CCHCR1: variants seen among roughly 807,000 people sequenced by gnomAD.
CCHCR1 encodes the protein HCR (a-helix coiled-coil rod homologue).
CCHCR1 carries 91 observed loss-of-function variants against 114.6 expected under a neutral mutation model. The ratio of observed to expected loss-of-function variants is 0.79; its 90% confidence interval spans 0.67 to 0.94. The LOEUF (loss-of-function observed/expected upper bound fraction) is 0.94. Among genes scored for constraint, CCHCR1 ranks in the 40% least tolerant of loss-of-function variants. The pLI is 0.00. For missense variants in CCHCR1, 899 were observed against 1,079.9 expected (o/e 0.83, Z 2.35); for synonymous variants, 379 against 428.5 (o/e 0.88, Z 1.43).
In CCHCR1 at chr6:31,144,362, T is replaced by C. The variant is rs1399477031; in HGVS notation, c.2167+325A>G. Among the ~76,000 whole-genome samples, 1 of 152,034 alleles carries C rather than the reference T, an allele frequency of 6.6e-6. No individual in the cohort carries two copies. The highest frequency in any genetic ancestry group is 2.4e-5 in the African/African-American group (1 of 41,388). ...GGTGCCCACCACCAGGCCTAGCTAA[T>C]TTTTGTATTTTTAGTCGAGACAGGG... On this transcript the variant is annotated intron_variant, in intron 15 of 17. Transcript: ENST00000396268. This position sits in a 1 kb window ranked among gnomAD's most constrained non-coding sequence, Gnocchi z 4.6.
chr6:31,154,893 C>A lies in CCHCR1; in HGVS notation c.498-94G>T, dbSNP rs1015307558. On this transcript the variant is annotated intron_variant, in intron 3 of 17. Coordinates refer to ENST00000396268, the MANE Select transcript of CCHCR1 (RefSeq NM_001105564.2). The surrounding 1 kb of genome is among the most constrained non-coding windows in gnomAD (Gnocchi z 4.1). ...TAGCCAGGAGAAGGAAAAGAGGACC[C>A]CTCTGCTTCCGTGTGGGGAGGTGAA... The A allele has an allele frequency of 8.2e-7, 1 of 1,212,950 alleles. No homozygotes were observed. Among genetic ancestry groups the A allele is most frequent in the African/African-American group, 1.5e-5 (1 of 65,564 alleles). 75.1% of individuals were successfully genotyped at this position (1,212,950 alleles called of 1,614,324 possible).
At chr6:31,156,538 T>G (rs1222859221) in intron 3 of CCHCR1, 193 bp downstream of exon 3, 1 of 561,052 alleles carries the variant, frequency 1.8e-6, no homozygotes, top group African/African-American at 2.0e-5. Context: ...AGGATTTGTC[T>G]TATTCACTAT....
chr6:31,156,028 C>T (rs1050362508), intron 3 of CCHCR1, among the ~76,000 whole-genome samples: 1 of 152,192 alleles, frequency 6.6e-6, no homozygotes, highest in Non-Finnish European at 1.5e-5. Context: ...CCTCCTGCCT[C>T]AGCTCCCAAA....
At position 31,157,480 on chromosome 6, in the gene CCHCR1, C is replaced by G; in HGVS notation, c.121G>C (p.Glu41Gln). The G allele has an allele frequency of 6.2e-7, 1 of 1,612,950 alleles. No homozygotes were observed. Among genetic ancestry groups the G allele is most frequent in the East Asian group, 2.2e-5 (1 of 44,876 alleles). ...GGTCTTGAGCGCCATCTCCAGAGTT[C>G]TCTCCATGGCTCAGCAAGGCCTGAG... ...LPSGLAEPWR[E>Q]LWRWRSRPLH... The change falls in exon 1 of 18, where the codon GAA (glutamate) becomes CAA (glutamine). Residue 41 changes from glutamate to glutamine, a missense_variant. Physicochemically the swap from Glu to Gln is conservative, Grantham distance 29. Coordinates refer to ENST00000396268, the MANE Select transcript of CCHCR1 (RefSeq NM_001105564.2).
chr6:31,156,689 C>T (rs762618140), intron 3 of CCHCR1, 42 bp downstream of exon 3: 25 of 1,549,386 alleles, frequency 1.6e-5, no homozygotes, highest in Non-Finnish European at 2.1e-5. Flanking sequence ...GGAAGGGTCA[C>T]TAGCAAGCAA....
intron 4 of CCHCR1, among the ~76,000 whole-genome samples, chr6:31,153,472 C>A (rs1237495915): frequency 6.6e-6 from 1 of 151,646 alleles, no homozygotes; most frequent in Non-Finnish European, 1.5e-5. Flanking sequence ...GTCAATGGAT[C>A]AATTTTTTCC....
At position 31,151,128 on chromosome 6, in the gene CCHCR1, G is replaced by A. The variant is rs1561814518; in HGVS notation, c.802-6C>T. The A allele has an allele frequency of 1.9e-6, 3 of 1,610,830 alleles. No individual in the cohort carries two copies. Among genetic ancestry groups the A allele is most frequent in the Non-Finnish European group, 2.5e-6 (3 of 1,179,038 alleles). On this transcript the variant is annotated splice_polypyrimidine_tract_variant and splice_region_variant and intron_variant, in intron 4 of 17. Coordinates refer to ENST00000396268, the MANE Select transcript of CCHCR1 (RefSeq NM_001105564.2). This position sits in a 1 kb window ranked among gnomAD's most constrained non-coding sequence, Gnocchi z 4.1. ...GCCTGTGTCAAAGAGGACAGCTGCG[G>A]AAAGAAGAGGGGGCTCAGCAGAGGC...
At chr6:31,153,287 C>T (rs898391956) in intron 4 of CCHCR1, among the ~76,000 whole-genome samples, 19 of 152,090 alleles carry the variant, frequency 1.2e-4, no homozygotes, top group Non-Finnish European at 1.9e-4. Context: ...CTTCTTGTTT[C>T]TAAGTTTCTT....
Position 31,150,063 on chromosome 6 carries a change from G to C in CCHCR1, c.1362+3C>G. 1 of 1,614,116 alleles carries C rather than the reference G, an allele frequency of 6.2e-7. No homozygotes were observed. Among genetic ancestry groups the C allele is most frequent in the Non-Finnish European group, 8.5e-7 (1 of 1,179,972 alleles). ...ATACCGGGAGAAAAGAGAGTGCAGT[G>C]ACCTGTCCCTTCAGCTGCTTAACAG... On this transcript the variant is annotated splice_donor_region_variant and intron_variant, in intron 8 of 17. Transcript: ENST00000396268. The surrounding 1 kb of genome is among the most constrained non-coding windows in gnomAD (Gnocchi z 5.3).
chr6:31,153,217 G>A (rs1397741801), intron 4 of CCHCR1, among the ~76,000 whole-genome samples: 1 of 149,880 alleles, frequency 6.7e-6, no homozygotes, highest in African/African-American at 2.5e-5. Flanking sequence ...CAAGTGATCC[G>A]CCCACCTCGG....
Position 31,143,382 on chromosome 6 carries a change from G to T in CCHCR1, c.2199C>A (p.Ala733=), listed in dbSNP as rs760608377. The change falls in exon 16 of 18, where the codon GCC becomes GCA. Residue 733 remains alanine, a synonymous_variant. Coordinates refer to ENST00000396268, the MANE Select transcript of CCHCR1 (RefSeq NM_001105564.2). This position sits in a 1 kb window ranked among gnomAD's most constrained non-coding sequence, Gnocchi z 5.3. The part of the protein sequence containing the change: ...VVSLRQIQRR[A]AQEKERSQEL... Reference sequence around the variant, plus strand: ...CCTGGCTCCGCTCCTTTTCCTGGGCGGCTCTGCGCTGAATCTGGCGTAAGG... The same window carrying T: ...CCTGGCTCCGCTCCTTTTCCTGGGCTGCTCTGCGCTGAATCTGGCGTAAGG... 3.7e-6 allele frequency: 6 copies of T among 1,612,946 alleles called. No homozygotes were observed. Among genetic ancestry groups the T allele is most frequent in the Non-Finnish European group, 5.1e-6 (6 of 1,180,014 alleles).
chr6:31,150,500 G>T lies in CCHCR1; in HGVS notation c.1167C>A (p.Ser389Arg), dbSNP rs1479904105. 1 of 1,612,560 alleles carries T rather than the reference G, an allele frequency of 6.2e-7. No individual in the cohort carries two copies. The highest frequency in any genetic ancestry group is 1.7e-5 in the Admixed American group (1 of 59,984). ...TAELLQVRVQ[S>R]LTHILALQEE... ...CCTGCAGGGCGAGGATGTGTGTGAG[G>T]CTCTGCACCCGCACCTGCAGCAGCT... The change falls in exon 7 of 18, where the codon AGC (serine) becomes AGA (arginine). Residue 389 changes from serine (S) to arginine (R), a missense_variant. Ser to Arg is a moderately radical substitution (Grantham distance 110, BLOSUM62 -1). Coordinates refer to ENST00000396268, the MANE Select transcript of CCHCR1 (RefSeq NM_001105564.2). This position sits in a 1 kb window ranked among gnomAD's most constrained non-coding sequence, Gnocchi z 5.3.
rs140284482 is a variant in CCHCR1 at position 31,144,972 on chromosome 6, C to G, written c.1978G>C (p.Val660Leu). The stretch of plus-strand genomic sequence containing the variant: ...CTCTCCTGCTGGCCCTGGCGTGCTA[C>G]CTCCAGCTGCAGCCCCAAGCTAGCC... Reference protein sequence around the residue: ...SLASLGLQLEVARQGQQESTE... With the variant: ...SLASLGLQLELARQGQQESTE... The change falls in exon 14 of 18, where the codon GTA becomes CTA. Residue 660 changes from valine to leucine, a missense_variant. By Grantham distance (32) the Val-to-Leu change is conservative. Transcript: ENST00000396268. This position sits in a 1 kb window ranked among gnomAD's most constrained non-coding sequence, Gnocchi z 4.6. 6.2e-7 allele frequency: 1 copy of G among 1,609,444 alleles called. No homozygotes were observed. Among genetic ancestry groups the G allele is most frequent in the Non-Finnish European group, 8.5e-7 (1 of 1,179,922 alleles).
intron 11 of CCHCR1, 42 bp from the exon 12 acceptor site, chr6:31,145,535 A>G (rs955750946): frequency 4.4e-6 from 7 of 1,603,018 alleles, no homozygotes; most frequent in Non-Finnish European, 6.0e-6. Context: ...TGAAGTTTGC[A>G]TGGGAGAAAG....
At chr6:31,152,363 G>C (rs1473384002) in intron 4 of CCHCR1, among the ~76,000 whole-genome samples, 18 of 151,540 alleles carry the variant, frequency 1.2e-4, no homozygotes, top group Admixed American at 1.2e-3. Flanking sequence ...TTTGGAGATG[G>C]AGTTTCACTT....
intron 3 of CCHCR1, chr6:31,156,493 G>A: frequency 1.9e-6 from 1 of 532,804 alleles, no homozygotes; most frequent in Non-Finnish European, 3.3e-6. Context: ...CCCCTCTTAG[G>A]ATTTTAGATT....
In CCHCR1 at chr6:31,143,420, A is replaced by G. The variant is rs1252803054; in HGVS notation, c.2168-7T>C. ...ATCTGGCGTAAGGAGACCACTACAG[A>G]GAGGCCAAGGCACAGAGGAGGCAGG... On this transcript the variant is annotated splice_polypyrimidine_tract_variant and splice_region_variant and intron_variant, in intron 15 of 17. Coordinates refer to ENST00000396268, the MANE Select transcript of CCHCR1 (RefSeq NM_001105564.2). The surrounding 1 kb of genome is among the most constrained non-coding windows in gnomAD (Gnocchi z 5.3). The G allele has an allele frequency of 6.2e-7, 1 of 1,612,490 alleles. No individual in the cohort carries two copies. Among genetic ancestry groups the G allele is most frequent in the South Asian group, 1.1e-5 (1 of 91,076 alleles).
At chr6:31,148,562 G>A in intron 9 of CCHCR1, 51 bp from the exon 10 acceptor site, 1 of 1,593,970 alleles carries the variant, frequency 6.3e-7, no homozygotes, top group South Asian at 1.1e-5. Flanking sequence ...CCTGGCTGCA[G>A]CCCCGGAACA....
At position 31,144,696 on chromosome 6, in the gene CCHCR1, C is replaced by T; in HGVS notation, c.2158G>A (p.Ala720Thr). The change falls in exon 15 of 18, where the codon GCC (alanine) becomes ACC (threonine). Residue 720 changes from alanine to threonine, a missense_variant. Physicochemically the swap from Ala to Thr is moderately conservative, Grantham distance 58. Transcript: ENST00000396268. The surrounding 1 kb of genome is among the most constrained non-coding windows in gnomAD (Gnocchi z 4.6). ...CCCTGGCAAGGCTCACCGGCCTTGG[C>T]ATGCTCCCTCCGAGCCTCGTTCAGC... ...RRLNEARREH[A>T]KAVVSLRQIQ... 6.2e-7 allele frequency: 1 copy of T among 1,608,456 alleles called. No individual in the cohort carries two copies. The highest frequency in any genetic ancestry group is 8.5e-7 in the Non-Finnish European group (1 of 1,175,920).
Sources: gnomAD v4.1 joint callset for allele counts (sites outside exome capture counted in the v4.1 genomes callset) on GRCh38, gnomAD v4.1.1 for gene constraint, Gnocchi (gnomAD v3.1) non-coding constraint, MANE v1.5 for transcripts, NCBI Gene and HGNC (gene_info 2026-07-23, HGNC 2026-07-21) for gene names.